PSAP: variants seen among roughly 807,000 people sequenced by gnomAD.
PSAP encodes the protein prosaposin.
In PSAP, 25 loss-of-function variants were observed where a neutral mutation model predicts 66.0. The observed-to-expected ratio is 0.38, with a 90% CI of 0.28 to 0.53. The LOEUF is 0.53. PSAP is among the 20% of genes least tolerant of loss of function. PSAP has a pLI of 0.83. For synonymous variants in PSAP, 273 were observed against 258.9 expected (o/e 1.05, Z -0.52); for missense variants, 649 against 668.8 (o/e 0.97, Z 0.33).
At chr10:71,836,270 C>G (rs1319681244) in intron 1 of PSAP, among the ~76,000 whole-genome samples, 1 of 152,154 alleles carries the variant, frequency 6.6e-6, no homozygotes, top group South Asian at 2.1e-4. Flanking sequence ...GTACCAAGCT[C>G]CCCAGATGGC....
Position 71,817,192 on chromosome 10 carries a change from C to T in PSAP, c.*249G>A. 5.1e-6 allele frequency: 3 copies of T among 587,080 alleles called. No homozygotes were observed. The highest frequency in any genetic ancestry group is 9.1e-6 in the Non-Finnish European group (3 of 327,958). 36.4% of individuals were successfully genotyped at this position (587,080 alleles called of 1,614,324 possible). On this transcript the variant is annotated 3_prime_UTR_variant, in exon 14 of 14. Coordinates refer to ENST00000394936, the MANE Select transcript of PSAP (RefSeq NM_002778.4). Reference sequence around the variant, plus strand: ...CCAGCAGGCGCCATGCAAGGGCAGGCTAAAAGACCTCCAGTGCATCAACAT... The same window carrying T: ...CCAGCAGGCGCCATGCAAGGGCAGGTTAAAAGACCTCCAGTGCATCAACAT...
At chr10:71,827,268 G>A (rs955596151) in intron 6 of PSAP, among the ~76,000 whole-genome samples, 8 of 152,006 alleles carry the variant, frequency 5.3e-5, no homozygotes, top group East Asian at 1.9e-4. Context: ...GCATGGTGGC[G>A]GGCACTTGTA....
intron 9 of PSAP, 73 bp downstream of exon 9, chr10:71,820,167 G>T: frequency 7.5e-7 from 1 of 1,340,204 alleles, no homozygotes; most frequent in Non-Finnish European, 1.1e-6. Context: ...TCTCTCCTGT[G>T]GGACTTTCCC....
chr10:71,820,014 C>T, intron 9 of PSAP, 114 bp from the exon 10 acceptor site: 2 of 1,060,470 alleles, frequency 1.9e-6, no homozygotes, highest in Non-Finnish European at 2.8e-6. Context: ...GCCGTTTCCA[C>T]CCACAAAAAA....
At chr10:71,833,457 CCAAAAAAAAGG>C (rs1842559650) in intron 2 of PSAP, among the ~76,000 whole-genome samples, 5 of 151,902 alleles carry the variant, frequency 3.3e-5, no homozygotes, top group Admixed American at 3.3e-4. Flanking sequence ...GACCCTGCCT[CCAAAAAAAAGG>C]GCAAGTATGG....
At chr10:71,819,979 G>T in intron 9 of PSAP, 79 bp from the exon 10 acceptor site, 3 of 1,265,836 alleles carry the variant, frequency 2.4e-6, no homozygotes, top group Non-Finnish European at 2.3e-6. Flanking sequence ...TACTAACATG[G>T]CCAGGAAATG....
intron 1 of PSAP, among the ~76,000 whole-genome samples, chr10:71,835,189 C>T (rs2133054207): frequency 6.6e-6 from 1 of 151,274 alleles, no homozygotes; most frequent in Admixed American, 6.6e-5. Context: ...TGGCAGTGAG[C>T]CTGGGTGACA....
intron 9 of PSAP, among the ~76,000 whole-genome samples, 164 bp from the exon 10 acceptor site, chr10:71,820,064 C>T (rs1050164932): frequency 2.6e-5 from 4 of 152,184 alleles, no homozygotes; most frequent in Non-Finnish European, 4.4e-5. Context: ...TCCACCTCCC[C>T]GGACCCCCGC....
At chr10:71,842,104 C>T (rs770974661) in intron 1 of PSAP, among the ~76,000 whole-genome samples, 1 of 152,026 alleles carries the variant, frequency 6.6e-6, no homozygotes, top group Non-Finnish European at 1.5e-5. Context: ...AAAGTGTGGT[C>T]CAAAACGCCG....
intron 11 of PSAP, 94 bp downstream of exon 11, chr10:71,819,371 A>G: frequency 6.4e-7 from 1 of 1,556,680 alleles, no homozygotes; most frequent in Non-Finnish European, 8.8e-7. Context: ...CCGGAGGCAG[A>G]AACAGCTGGT....
chr10:71,843,690 C>CA (rs1274252486), intron 1 of PSAP, among the ~76,000 whole-genome samples: 1 of 152,152 alleles, frequency 6.6e-6, no homozygotes, highest in African/African-American at 2.4e-5. Context: ...CACATCCATA[C>CA]AATGAAATAC....
intron 3 of PSAP, 113 bp from the exon 4 acceptor site, chr10:71,831,364 C>G (rs927061428): frequency 1.4e-6 from 2 of 1,403,528 alleles, no homozygotes; most frequent in African/African-American, 1.4e-5. Flanking sequence ...TGGAAAACAG[C>G]CAGCCCTCAG....
intron 3 of PSAP, 142 bp downstream of exon 3, chr10:71,831,704 T>G (rs1589452742): frequency 1.2e-6 from 1 of 842,408 alleles, no homozygotes; most frequent in East Asian, 2.4e-5. Flanking sequence ...CCCTAAAATC[T>G]TTTCTCCTTG....
rs781180772 is a variant in PSAP at position 71,818,642 on chromosome 10, T to C, written c.1514A>G (p.Asn505Ser). 9.3e-6 allele frequency: 15 copies of C among 1,613,866 alleles called. No homozygotes were observed. Among genetic ancestry groups the C allele is most frequent in the Non-Finnish European group, 1.3e-5 (15 of 1,180,036 alleles). Residue 505 changes from asparagine (N) to serine (S), a missense_variant, in exon 13 of 14, where the codon AAC (asparagine) becomes AGC (serine). By Grantham distance (46) the Asn-to-Ser change is conservative. Transcript: ENST00000394936. The stretch of plus-strand genomic sequence containing the variant: ...ATTGCACTGGGCTGCTGTCTCTGTG[T>C]TCTGGCACCAGTAGCTTGGGCCCCA... ...CIWGPSYWCQ[N>S]TETAAQCNAV...
chr10:71,818,782 G>C (rs117213269), intron 12 of PSAP, 58 bp from the exon 13 acceptor site: 20 of 1,421,706 alleles, frequency 1.4e-5, no homozygotes, highest in Non-Finnish European at 2.0e-5. Flanking sequence ...CCGATGTATC[G>C]CTTTCAAAAC....
At position 71,818,600 on chromosome 10, in the gene PSAP, T is replaced by C. The variant is rs2133028572; in HGVS notation, c.1539+17A>G. 6.2e-7 allele frequency: 1 copy of C among 1,609,306 alleles called. No individual in the cohort carries two copies. Among genetic ancestry groups the C allele is most frequent in the Non-Finnish European group, 8.5e-7 (1 of 1,176,652 alleles). On this transcript the variant is annotated intron_variant, in intron 13 of 13. Coordinates refer to ENST00000394936, the MANE Select transcript of PSAP (RefSeq NM_002778.4). ...AGGGCAAGACAGGCTGGTGACACTG[T>C]CTGCTGAGCTACTCACATTGCACTG...
rs189113420 is a variant in PSAP at position 71,836,371 on chromosome 10, G to T, written c.41-1866C>A. Among the ~76,000 whole-genome samples, 6 of 152,250 alleles carry T rather than the reference G, an allele frequency of 3.9e-5. No individual in the cohort carries two copies. The East Asian group carries it at 1.2e-3, about 29-fold the overall frequency. The stretch of plus-strand genomic sequence containing the variant: ...TCAGGGGAGCGGTGGAGGGGAGGCA[G>T]AATTGAGTCATGAGGGTAAGGGCTC... On this transcript the variant is annotated intron_variant, in intron 1 of 13. Transcript: ENST00000394936.
At chr10:71,837,528 G>C (rs1298477019) in intron 1 of PSAP, among the ~76,000 whole-genome samples, 1 of 152,250 alleles carries the variant, frequency 6.6e-6, no homozygotes, top group Non-Finnish European at 1.5e-5. Context: ...ACAGGCAAGG[G>C]TGGTTTTTCT....
chr10:71,819,240 T>C (rs1842241071), intron 11 of PSAP, 129 bp from the exon 12 acceptor site: 2 of 1,049,044 alleles, frequency 1.9e-6, no homozygotes. Flanking sequence ...CACTGGGTCC[T>C]GGGGCCTCCC....
Sources: allele counts gnomAD v4.1 joint callset (sites outside exome capture counted in the v4.1 genomes callset), GRCh38; gene constraint gnomAD v4.1.1; transcripts MANE v1.5; gene names NCBI Gene and HGNC (gene_info 2026-07-23, HGNC 2026-07-21).